The following SND1 variants were observed in gnomAD, a reference collection of about 807,000 sequenced individuals.
SND1 encodes the protein staphylococcal nuclease domain-containing protein 1.
In SND1, 38 loss-of-function variants were observed where a neutral mutation model predicts 121.7. That is an observed-to-expected ratio of 0.31 (90% confidence interval 0.24 to 0.41). SND1 has a LOEUF of 0.41. Among genes scored for constraint, SND1 ranks in the 10% least tolerant of loss-of-function variants. The probability of loss-of-function intolerance (pLI) is 1.00; values close to 1 mark genes in which losing one functional copy is unlikely to be tolerated. For synonymous variants in SND1, 401 were observed against 447.4 expected (o/e 0.90, Z 1.31); for missense variants, 868 against 1,184.6 (o/e 0.73, Z 3.92).
At chr7:127,932,207 G>A (rs899900757) in intron 15 of SND1, among the ~76,000 whole-genome samples, 21 of 152,344 alleles carry the variant, frequency 1.4e-4, no homozygotes, top group Admixed American at 1.1e-3. Context: ...ATGGGAGGAG[G>A]TTGAAACAGC....
At chr7:127,760,653 CT>C (rs1797288134) in intron 10 of SND1, among the ~76,000 whole-genome samples, 1 of 152,176 alleles carries the variant, frequency 6.6e-6, no homozygotes, top group South Asian at 2.1e-4. Context: ...AAAAAGGCAC[CT>C]CTCTGCCATA....
At chr7:128,026,879 T>C (rs1234997024) in intron 16 of SND1, among the ~76,000 whole-genome samples, 1 of 152,154 alleles carries the variant, frequency 6.6e-6, no homozygotes, top group African/African-American at 2.4e-5. Context: ...AGAATCGGGG[T>C]GCTTTTATTT....
chr7:127,809,205 TAATC>T (rs1337110448), intron 11 of SND1, among the ~76,000 whole-genome samples: 1 of 152,212 alleles, frequency 6.6e-6, no homozygotes, highest in Admixed American at 6.5e-5. Context: ...AGTCAATTCT[TAATC>T]AATTAGGTTC....
chr7:127,795,926 C>T (rs1409900846), intron 10 of SND1, among the ~76,000 whole-genome samples: 3 of 151,944 alleles, frequency 2.0e-5, no homozygotes, highest in Non-Finnish European at 2.9e-5. Context: ...GGCGTGATCT[C>T]GGTTCACTGC....
intron 11 of SND1, among the ~76,000 whole-genome samples, chr7:127,836,171 G>A (rs978171130): frequency 3.9e-5 from 6 of 152,106 alleles, no homozygotes; most frequent in Non-Finnish European, 7.4e-5. Context: ...AGATAAAAGC[G>A]TCTGCCCATC....
chr7:128,070,004 A>G (rs889668790), intron 16 of SND1, among the ~76,000 whole-genome samples: 1 of 152,174 alleles, frequency 6.6e-6, no homozygotes. Flanking sequence ...GTATTCAGCA[A>G]CCTCAAAATC....
chr7:128,066,480 C>A (rs938305573), intron 16 of SND1, among the ~76,000 whole-genome samples: 2 of 152,192 alleles, frequency 1.3e-5, no homozygotes, highest in Non-Finnish European at 2.9e-5. Context: ...GGATCAGAAC[C>A]ACATTGCCAC....
intron 1 of SND1, among the ~76,000 whole-genome samples, chr7:127,668,014 C>T (rs1210406087): frequency 6.6e-6 from 1 of 152,102 alleles, no homozygotes; most frequent in African/African-American, 2.4e-5. Context: ...AAAAATGACT[C>T]AGTTAAATGC....
At chr7:127,745,407 C>G (rs1796963462) in intron 10 of SND1, among the ~76,000 whole-genome samples, 1 of 152,180 alleles carries the variant, frequency 6.6e-6, no homozygotes, top group Non-Finnish European at 1.5e-5. Context: ...TGACGCATGA[C>G]TACTCAACTG....
At chr7:127,956,284 G>A (rs952584544) in intron 15 of SND1, among the ~76,000 whole-genome samples, 3 of 152,094 alleles carry the variant, frequency 2.0e-5, no homozygotes, top group African/African-American at 4.8e-5. Flanking sequence ...GACCATACCT[G>A]CTCCCTGAAA....
intron 1 of SND1, among the ~76,000 whole-genome samples, chr7:127,663,306 T>TA (rs1484461577): frequency 4.6e-5 from 7 of 152,156 alleles, no homozygotes; most frequent in Non-Finnish European, 8.8e-5. Flanking sequence ...TTGTTATTCT[T>TA]ACTGTTTTTT....
intron 10 of SND1, among the ~76,000 whole-genome samples, chr7:127,768,656 A>T (rs1797460659): frequency 6.6e-6 from 1 of 152,254 alleles, no homozygotes; most frequent in Non-Finnish European, 1.5e-5. Context: ...TATTATCTAT[A>T]GCTAATCAAA....
intron 16 of SND1, among the ~76,000 whole-genome samples, chr7:127,996,641 T>G (rs1002852142): frequency 2.6e-5 from 4 of 152,160 alleles, no homozygotes; most frequent in Non-Finnish European, 5.9e-5. Context: ...CCTACTCTCC[T>G]GACTCTCCCT....
intron 16 of SND1, among the ~76,000 whole-genome samples, chr7:128,048,971 G>C (rs1049760075): frequency 3.3e-5 from 5 of 152,148 alleles, no homozygotes; most frequent in Non-Finnish European, 5.9e-5. Context: ...GTCTCCAAAA[G>C]AGCAGGACTG....
intron 10 of SND1, among the ~76,000 whole-genome samples, chr7:127,725,273 A>G (rs1796562697): frequency 6.6e-6 from 1 of 152,194 alleles, no homozygotes; most frequent in Non-Finnish European, 1.5e-5. Context: ...TATTCATGGC[A>G]TAGATGTTGG....
intron 13 of SND1, among the ~76,000 whole-genome samples, chr7:127,897,378 A>C (rs1221023319): frequency 6.6e-6 from 1 of 152,138 alleles, no homozygotes; most frequent in Non-Finnish European, 1.5e-5. Flanking sequence ...TCTGTAACTG[A>C]TGTGTTTGTG....
chr7:128,030,093 T>C (rs1465679492), intron 16 of SND1: 2 of 1,613,866 alleles, frequency 1.2e-6, no homozygotes, highest in East Asian at 4.5e-5. Context: ...ATACTCCAGC[T>C]TCTTGAGCTC....
At chr7:127,678,057 A>G (rs1342082429) in intron 1 of SND1, among the ~76,000 whole-genome samples, 1 of 152,174 alleles carries the variant, frequency 6.6e-6, no homozygotes, top group African/African-American at 2.4e-5. Context: ...CACCTGTTCT[A>G]CTGGCACATA....
intron 17 of SND1, among the ~76,000 whole-genome samples, chr7:128,077,941 T>C (rs1377838124): frequency 6.6e-6 from 1 of 152,240 alleles, no homozygotes; most frequent in Non-Finnish European, 1.5e-5. Flanking sequence ...GGAGTTTTCC[T>C]TGTCATCTCC....
Sources: gnomAD v4.1 joint callset for allele counts (sites outside exome capture counted in the v4.1 genomes callset) on GRCh38, gnomAD v4.1.1 for gene constraint, MANE v1.5 for transcripts, NCBI Gene and HGNC (gene_info 2026-07-23, HGNC 2026-07-21) for gene names.